Variants in KIF21A observed in about 807,000 individuals in gnomAD.
KIF21A encodes kinesin family member 21A.
KIF21A carries 114 observed loss-of-function variants against 202.9 expected under a neutral mutation model. The observed-to-expected ratio is 0.56, with a 90% CI of 0.48 to 0.66. The LOEUF (loss-of-function observed/expected upper bound fraction) is 0.66, where lower values mean the gene tolerates loss of function less well. Ranked by LOEUF, KIF21A falls within the 30% of genes least tolerant of loss-of-function variation. KIF21A has a pLI of 0.00. For missense variants in KIF21A, 1,677 were observed against 1,994.9 expected, an observed-to-expected ratio of 0.84 and a Z score of 3.04; for synonymous variants, 667 against 670.8, an observed-to-expected ratio of 0.99 and a Z score of 0.09.
chr12:39,370,808 G>GTA (rs1049678036), intron 1 of KIF21A, among the ~76,000 whole-genome samples: 9 of 151,400 alleles, frequency 5.9e-5, no homozygotes, highest in East Asian at 3.9e-4. Context: ...CAATATATAT[G>GTA]TATATATATA....
chr12:39,396,960 CTAAA>C lies in KIF21A; in HGVS notation c.45-26703_45-26700del, dbSNP rs146529049. Among the ~76,000 whole-genome samples the C allele has an allele frequency of 9.0e-3, 1,365 of 152,196 alleles. 18 individuals are homozygous for C. The highest frequency in any genetic ancestry group is 0.027 in the African/African-American group (1,125 of 41,518). The stretch of plus-strand genomic sequence containing the variant: ...AGTGAAATACACCAAACTCAAAAGA[CTAAA>C]TAAATAGTGTATGATTTTATTTATT... On this transcript the variant is annotated intron_variant, in intron 1 of 37. Transcript: ENST00000361418.
chr12:39,311,440 T>C lies in KIF21A; in HGVS notation c.4073A>G (p.Asp1358Gly), dbSNP rs139664756. The change falls in exon 32 of 38, where the codon GAT becomes GGT. Residue 1358 changes from aspartate (D) to glycine (G), a missense_variant. Asp to Gly is a moderately conservative substitution (Grantham distance 94). This residue lies in a region of KIF21A where 705 missense variants were observed against 791.9 expected (regional missense o/e 0.89). Transcript: ENST00000361418. Reference protein sequence around the residue: ...KAVLCVDSTDDLLFTGSKDRT... With the variant: ...KAVLCVDSTDGLLFTGSKDRT... ...ACCTTTTGATCCAGTGAAGAGGAGA[T>C]CATCAGTAGAATCCACACAGAGCAC... 6.2e-7 allele frequency: 1 copy of C among 1,612,464 alleles called. No homozygotes were observed. The highest frequency in any genetic ancestry group is 8.5e-7 in the Non-Finnish European group (1 of 1,178,738).
intron 1 of KIF21A, among the ~76,000 whole-genome samples, chr12:39,412,325 GT>G (rs1159526043): frequency 6.6e-6 from 1 of 152,164 alleles, no homozygotes; most frequent in Non-Finnish European, 1.5e-5. Context: ...ATATTTAAAT[GT>G]TTGACTAGTC....
intron 1 of KIF21A, among the ~76,000 whole-genome samples, chr12:39,373,755 G>A (rs2139266026): frequency 6.6e-6 from 1 of 152,272 alleles, no homozygotes; most frequent in East Asian, 1.9e-4. Context: ...GCCAATTTTA[G>A]ATGCTAATGT....
intron 17 of KIF21A, among the ~76,000 whole-genome samples, chr12:39,336,102 G>A (rs1946941008): frequency 6.6e-6 from 1 of 152,042 alleles, no homozygotes; most frequent in African/African-American, 2.4e-5. Flanking sequence ...CTTTTTCAAA[G>A]AGGCAGTCTT....
intron 1 of KIF21A, among the ~76,000 whole-genome samples, chr12:39,387,200 ACAC>A (rs1293654656): frequency 4.6e-5 from 7 of 150,690 alleles, no homozygotes; most frequent in Non-Finnish European, 7.4e-5. Flanking sequence ...ACACACACAC[ACAC>A]AAGCTTGGAC....
rs752752063 is a variant in KIF21A at position 39,331,741 on chromosome 12, A to G, written c.3102T>C (p.Leu1034=). 4 of 1,613,684 alleles carry G rather than the reference A, an allele frequency of 2.5e-6. No homozygotes were observed. Among genetic ancestry groups the G allele is most frequent in the South Asian group, 2.2e-5 (2 of 91,064 alleles). ...DVTAVINACT[L]TEARYLLDHF... ...GATCTAGCAGGTATCGGGCTTCTGT[A>G]AGGGTGCAGGCATTAATGACTGCAG... Residue 1034 remains leucine, a synonymous_variant, in exon 22 of 38, where the codon CTT becomes CTC. Transcript: ENST00000361418.
rs1424107928 is a variant in KIF21A at position 39,311,517 on chromosome 12, G to C, written c.3996C>G (p.Ile1332Met). 6.2e-7 allele frequency: 1 copy of C among 1,613,148 alleles called. No individual in the cohort carries two copies. The highest frequency in any genetic ancestry group is 1.7e-5 in the Admixed American group (1 of 59,990). Residue 1332 changes from isoleucine (I) to methionine (M), a missense_variant, in exon 32 of 38, where the codon ATC (isoleucine) becomes ATG (methionine). Ile to Met is a conservative substitution (Grantham distance 10). Coordinates refer to ENST00000361418, the MANE Select transcript of KIF21A (RefSeq NM_001173464.2). ...IINPFPASKG[I>M]RAFPLQCIHI... ...GAATACACTGAAGTGGAAAAGCTCT[G>C]ATTCCTTTTGAAGCAGGAAATGGGT...
chr12:39,350,313 G>A (rs796886359), intron 11 of KIF21A, among the ~76,000 whole-genome samples: 33 of 151,978 alleles, frequency 2.2e-4, no homozygotes, highest in African/African-American at 7.7e-4. Context: ...TTTTTCATTA[G>A]TCATATTCAA....
intron 12 of KIF21A, among the ~76,000 whole-genome samples, chr12:39,345,142 T>C (rs112478857): frequency 0.014 from 2,094 of 152,328 alleles, 64 homozygotes; most frequent in African/African-American, 0.047. Context: ...GAAGTTGTTC[T>C]GTAACCACCC....
chr12:39,411,871 G>C (rs1953114305), intron 1 of KIF21A, among the ~76,000 whole-genome samples: 2 of 152,044 alleles, frequency 1.3e-5, no homozygotes, highest in Admixed American at 6.6e-5. Flanking sequence ...GTCTCCTTCT[G>C]TCACCCAGGC....
intron 1 of KIF21A, among the ~76,000 whole-genome samples, chr12:39,418,728 AATG>A (rs1189078566): frequency 1.3e-5 from 2 of 152,222 alleles, no homozygotes; most frequent in African/African-American, 4.8e-5. Context: ...GACTATGACA[AATG>A]ATGATGTTAC....
intron 31 of KIF21A, among the ~76,000 whole-genome samples, chr12:39,313,978 G>C (rs1165152074): frequency 6.6e-6 from 1 of 151,646 alleles, no homozygotes; most frequent in Non-Finnish European, 1.5e-5. Flanking sequence ...TTACCGGAGA[G>C]AGGATACAAC....
chr12:39,440,060 C>T (rs571471907), intron 1 of KIF21A, among the ~76,000 whole-genome samples: 1 of 152,128 alleles, frequency 6.6e-6, no homozygotes, highest in Non-Finnish European at 1.5e-5. Flanking sequence ...TGCTGAGGAA[C>T]CCTTCTCAAA....
chr12:39,401,689 C>T (rs558553987), intron 1 of KIF21A, among the ~76,000 whole-genome samples: 1 of 152,104 alleles, frequency 6.6e-6, no homozygotes, highest in African/African-American at 2.4e-5. Context: ...GAACATCTAT[C>T]GAAGGCATGT....
chr12:39,319,370 G>C (rs1447871490), intron 28 of KIF21A, among the ~76,000 whole-genome samples: 1 of 152,072 alleles, frequency 6.6e-6, no homozygotes, highest in Non-Finnish European at 1.5e-5. Context: ...ACTATGTACT[G>C]CTAAGTAAAC....
intron 10 of KIF21A, among the ~76,000 whole-genome samples, chr12:39,353,028 G>A (rs759716082): frequency 2.6e-5 from 4 of 151,924 alleles, no homozygotes; most frequent in Non-Finnish European, 4.4e-5. Context: ...TGAAAAATAA[G>A]AAGAAAACAC....
intron 1 of KIF21A, among the ~76,000 whole-genome samples, chr12:39,407,927 A>G (rs916621793): frequency 6.6e-6 from 1 of 151,800 alleles, no homozygotes; most frequent in Non-Finnish European, 1.5e-5. Flanking sequence ...TATATTTAGC[A>G]TAAAATAAGT....
intron 1 of KIF21A, among the ~76,000 whole-genome samples, chr12:39,427,302 T>C (rs1398240229): frequency 5.3e-5 from 8 of 152,262 alleles, no homozygotes; most frequent in Admixed American, 5.2e-4. Flanking sequence ...ACTTCTGCTG[T>C]GCCTACAATG....
Sources: gnomAD v4.1 joint callset for allele counts (sites outside exome capture counted in the v4.1 genomes callset) on GRCh38, gnomAD v4.1.1 for gene constraint, gnomAD v4.1.1 regional missense constraint, MANE v1.5 for transcripts, NCBI Gene and HGNC (gene_info 2026-07-23, HGNC 2026-07-21) for gene names.